Variants in ERO1A observed in about 807,000 individuals in gnomAD.
ERO1A encodes the protein ERO1-like protein alpha.
ERO1A carries 49 observed loss-of-function variants against 76.9 expected under a neutral mutation model. That is an observed-to-expected ratio of 0.64 (90% CI 0.51 to 0.81). The LOEUF (loss-of-function observed/expected upper bound fraction) is 0.81, where lower values mean the gene tolerates loss of function less well. Ranked by LOEUF, ERO1A falls within the 30% of genes least tolerant of loss-of-function variation. The probability of loss-of-function intolerance (pLI) is 0.00; values close to 1 mark genes in which losing one functional copy is unlikely to be tolerated. For synonymous variants in ERO1A, 174 were observed against 181.2 expected, an observed-to-expected ratio of 0.96 and a Z score of 0.32; for missense variants, 448 against 542.1, an observed-to-expected ratio of 0.83 and a Z score of 1.72.
intron 1 of ERO1A, among the ~76,000 whole-genome samples, chr14:52,692,089 G>A (rs983348008): frequency 4.6e-5 from 7 of 152,168 alleles, no homozygotes; most frequent in African/African-American, 1.7e-4. Flanking sequence ...CATGCAAATG[G>A]CTTGCTAAGC....
intron 6 of ERO1A, among the ~76,000 whole-genome samples, chr14:52,666,928 C>G (rs2040433686): frequency 6.6e-6 from 1 of 151,972 alleles, no homozygotes; most frequent in African/African-American, 2.4e-5. Context: ...GAGACTCCGT[C>G]TCAGAAAAGA....
At chr14:52,682,669 G>A (rs141867412) in intron 2 of ERO1A, among the ~76,000 whole-genome samples, 22,693 of 151,552 alleles carry the variant, frequency 0.15, 1,879 homozygotes, top group African/African-American at 0.23. Context: ...GAGGCCGAGG[G>A]GGGCGGATCA....
chr14:52,684,359 A>C (rs2041107875), intron 1 of ERO1A, among the ~76,000 whole-genome samples: 2 of 152,144 alleles, frequency 1.3e-5, no homozygotes, highest in Admixed American at 6.5e-5. Context: ...CACATGATCC[A>C]GTTGGCAAAG....
At chr14:52,646,776 C>G (rs1344963044) in intron 13 of ERO1A, 4 of 224,060 alleles carry the variant, frequency 1.8e-5, no homozygotes, top group Non-Finnish European at 3.5e-5. Flanking sequence ...CCAGGCCTGT[C>G]TGACTCCAAA....
chr14:52,662,901 G>A (rs550832452), intron 8 of ERO1A, among the ~76,000 whole-genome samples: 2 of 152,112 alleles, frequency 1.3e-5, no homozygotes, highest in South Asian at 4.1e-4. Flanking sequence ...TAGATCGATA[G>A]ATACATAAAT....
chr14:52,645,509 A>G (rs1226901233), intron 15 of ERO1A, among the ~76,000 whole-genome samples: 1 of 149,972 alleles, frequency 6.7e-6, no homozygotes, highest in Non-Finnish European at 1.5e-5. Flanking sequence ...GCTGGTCTTG[A>G]ACTCCTGGCC....
intron 15 of ERO1A, 78 bp downstream of exon 15, chr14:52,646,076 C>A (rs1270981002): frequency 1.4e-6 from 2 of 1,441,896 alleles, no homozygotes; most frequent in East Asian, 4.6e-5. Context: ...ATATTCCTTA[C>A]CCAGTTTTTT....
At chr14:52,684,608 T>C (rs2041119251) in intron 1 of ERO1A, among the ~76,000 whole-genome samples, 1 of 152,114 alleles carries the variant, frequency 6.6e-6, no homozygotes, top group Non-Finnish European at 1.5e-5. Context: ...TCTTAAAGGT[T>C]TGGAATGGTG....
At chr14:52,692,394 C>A (rs565466868) in intron 1 of ERO1A, among the ~76,000 whole-genome samples, 277 of 152,190 alleles carry the variant, frequency 1.8e-3, no homozygotes, top group Non-Finnish European at 2.6e-3. Context: ...AAGCCAGGCA[C>A]CATGCAGCAG....
intron 7 of ERO1A, among the ~76,000 whole-genome samples, chr14:52,665,312 A>G (rs2040376671): frequency 6.6e-6 from 1 of 151,792 alleles, no homozygotes; most frequent in Non-Finnish European, 1.5e-5. Flanking sequence ...AAAAAAAAAA[A>G]AACCTTTAAA....
intron 1 of ERO1A, among the ~76,000 whole-genome samples, chr14:52,689,503 CA>C (rs925669877): frequency 3.2e-4 from 47 of 149,162 alleles, no homozygotes; most frequent in South Asian, 4.2e-4. Context: ...ATGAACTATC[CA>C]AAAAAAAATT....
intron 1 of ERO1A, among the ~76,000 whole-genome samples, chr14:52,693,007 T>TG (rs1329977184): frequency 3.5e-5 from 5 of 144,896 alleles, no homozygotes; most frequent in African/African-American, 1.3e-4. Flanking sequence ...GACAACTTTT[T>TG]TTTTTTTTTT....
At chr14:52,658,333 G>C (rs778642274) in intron 9 of ERO1A, 183 bp from the exon 10 acceptor site, 45 of 547,828 alleles carry the variant, frequency 8.2e-5, no homozygotes, top group Non-Finnish European at 1.3e-4. Context: ...ATTCAGTTAA[G>C]TACCAGCCTG....
At chr14:52,684,305 G>A (rs191533215) in intron 1 of ERO1A, among the ~76,000 whole-genome samples, 5 of 152,176 alleles carry the variant, frequency 3.3e-5, no homozygotes, top group African/African-American at 1.2e-4. Context: ...GTCTCCCTGT[G>A]GCTAGACCAG....
intron 4 of ERO1A, among the ~76,000 whole-genome samples, chr14:52,676,833 G>A (rs542777692): frequency 5.4e-5 from 8 of 148,190 alleles, no homozygotes; most frequent in East Asian, 2.0e-4. Context: ...CCAGGAGTTC[G>A]AGACCAGCCT....
intron 15 of ERO1A, among the ~76,000 whole-genome samples, chr14:52,644,630 CAG>C (rs1034481782): frequency 6.6e-6 from 1 of 151,842 alleles, no homozygotes; most frequent in Non-Finnish European, 1.5e-5. Flanking sequence ...TATATAAACA[CAG>C]AAATATCATT....
intron 6 of ERO1A, 173 bp downstream of exon 6, chr14:52,671,457 A>C: frequency 2.0e-6 from 1 of 502,840 alleles, no homozygotes; most frequent in Non-Finnish European, 3.5e-6. Flanking sequence ...GATGGGTCTT[A>C]CTATGTTGCC....
chr14:52,680,319 A>T (rs543038283), intron 3 of ERO1A, among the ~76,000 whole-genome samples: 1 of 152,322 alleles, frequency 6.6e-6, no homozygotes, highest in East Asian at 1.9e-4. Context: ...TTACAATGAA[A>T]TACATCTCAT....
rs2039648770 is a variant in ERO1A, at chr14:52,646,226, G to C, written c.1274C>G (p.Pro425Arg). 6.2e-7 allele frequency: 1 copy of C among 1,613,610 alleles called. No individual in the cohort carries two copies. Among genetic ancestry groups the C allele is most frequent in the Non-Finnish European group, 8.5e-7 (1 of 1,179,774 alleles). Residue 425 changes from proline (P) to arginine (R), a missense_variant, in exon 15 of 16, where the codon CCA becomes CGA. This residue lies in a region of ERO1A where 302 missense variants were observed against 411.9 expected (regional missense o/e 0.73). Transcript: ENST00000395686. ...LFSEKLIANM[P>R]ESGPSYEFHL... The stretch of plus-strand genomic sequence containing the variant: ...GAATTCATAACTAGGTCCACTTTCT[G>C]GCATATTTGCTATCAATTTCTCAGA...
Sources: gnomAD v4.1 joint callset for allele counts (sites outside exome capture counted in the v4.1 genomes callset) on GRCh38, gnomAD v4.1.1 for gene constraint, gnomAD v4.1.1 regional missense constraint, MANE v1.5 for transcripts, NCBI Gene and HGNC (gene_info 2026-07-23, HGNC 2026-07-21) for gene names.